WDFY4: variants seen among roughly 807,000 people sequenced by gnomAD.
The protein encoded by WDFY4 is WDFY family member 4.
In WDFY4, 169 loss-of-function variants were observed where a neutral mutation model predicts 351.9. That is an observed-to-expected ratio of 0.48 (90% CI 0.42 to 0.55). The LOEUF is 0.55. Ranked by LOEUF, WDFY4 falls within the 20% of genes least tolerant of loss-of-function variation. WDFY4 has a pLI of 0.00. For missense variants in WDFY4, 3,803 were observed against 3,935.6 expected (o/e 0.97, Z 0.90); for synonymous variants, 1,622 against 1,574.6 (o/e 1.03, Z -0.71).
chr10:48,756,626 T>C (rs1332266008), intron 12 of WDFY4, among the ~76,000 whole-genome samples: 1 of 152,132 alleles, frequency 6.6e-6, no homozygotes, highest in Admixed American at 6.5e-5. Context: ...TGTTAGGTTA[T>C]AAACAATTCC....
chr10:48,764,383 T>C (rs2065604333), intron 13 of WDFY4, among the ~76,000 whole-genome samples: 1 of 152,248 alleles, frequency 6.6e-6, no homozygotes, highest in African/African-American at 2.4e-5. Context: ...TAGTGGGATT[T>C]TTACTATGCA....
At chr10:48,873,061 A>C (rs763925797) in intron 40 of WDFY4, among the ~76,000 whole-genome samples, 6 of 152,054 alleles carry the variant, frequency 3.9e-5, no homozygotes, top group Non-Finnish European at 7.4e-5. Flanking sequence ...AGTACATTCA[A>C]ATTCCCACTC....
intron 43 of WDFY4, chr10:48,877,904 T>G (rs934578485): frequency 6.6e-6 from 1 of 152,294 alleles, no homozygotes; most frequent in Non-Finnish European, 1.5e-5. Context: ...AAGAATGCAA[T>G]GGAAGATGAA....
intron 18 of WDFY4, 108 bp downstream of exon 18, chr10:48,778,940 C>G: frequency 8.1e-7 from 1 of 1,239,566 alleles, no homozygotes; most frequent in South Asian, 1.5e-5. Flanking sequence ...CCTTCTGTTT[C>G]TCCTCATCCT....
Position 48,822,238 on chromosome 10 carries a change from C to A in WDFY4, c.5825-142C>A, listed in dbSNP as rs1005964737. 3 of 833,104 alleles carry A rather than the reference C, an allele frequency of 3.6e-6. No individual in the cohort carries two copies. In the South Asian group the frequency reaches 1.2e-4, roughly 33 times the overall value. The allele number at this position is 833,104 out of a possible 1,614,324, so 51.6% of individuals were successfully genotyped here. Reference sequence around the variant, plus strand: ...TTAAATGTGTGTGTGTTGGGCACCTCGTCAGTACAAGACTCCATCTTTGGA... The same window carrying A: ...TTAAATGTGTGTGTGTTGGGCACCTAGTCAGTACAAGACTCCATCTTTGGA... On this transcript the variant is annotated intron_variant, in intron 34 of 61. Coordinates refer to ENST00000325239, the MANE Select transcript of WDFY4 (RefSeq NM_001394531.1).
intron 43 of WDFY4, among the ~76,000 whole-genome samples, chr10:48,878,818 A>G (rs1175106131): frequency 6.6e-6 from 1 of 152,206 alleles, no homozygotes; most frequent in African/African-American, 2.4e-5. Flanking sequence ...CTCTGTCACT[A>G]TGGATCCTCC....
chr10:48,750,648 T>G (rs1209570517), intron 12 of WDFY4, among the ~76,000 whole-genome samples: 1 of 152,294 alleles, frequency 6.6e-6, no homozygotes, highest in East Asian at 1.9e-4. Flanking sequence ...GTAATCTTCC[T>G]TGGTTTCTTA....
At chr10:48,823,737 TG>T (rs1484742695) in intron 35 of WDFY4, 2 of 992,628 alleles carry the variant, frequency 2.0e-6, no homozygotes, top group Admixed American at 5.6e-5. Context: ...TAGGTGCCAG[TG>T]GGGGCCACCG....
At position 48,833,242 on chromosome 10, in the gene WDFY4, G is replaced by A. The variant is rs565525045; in HGVS notation, c.6663+533G>A. ...GGTATATGGAGTACGGTGGGTGGGG[G>A]GACAGGTTATCTCTGCCCCACAGTG... On this transcript the variant is annotated intron_variant, in intron 39 of 61. Transcript: ENST00000325239. Among the ~76,000 whole-genome samples the A allele has an allele frequency of 1.1e-4, 16 of 151,808 alleles. No homozygotes were observed. In the South Asian group the frequency reaches 2.1e-3, roughly 20 times the overall value.
chr10:48,866,476 T>C (rs2069547239), intron 39 of WDFY4, among the ~76,000 whole-genome samples: 1 of 152,244 alleles, frequency 6.6e-6, no homozygotes, highest in Admixed American at 6.5e-5. Flanking sequence ...TTAAATTTAC[T>C]GAAGTTTGTT....
chr10:48,777,396 C>A, intron 16 of WDFY4, 23 bp from the exon 17 acceptor site: 1 of 1,549,968 alleles, frequency 6.5e-7, no homozygotes, highest in Non-Finnish European at 8.7e-7. Context: ...GTCCAATGAT[C>A]TGAGACAATT....
At chr10:48,776,331 G>A (rs1355110850) in intron 15 of WDFY4, among the ~76,000 whole-genome samples, 3 of 152,196 alleles carry the variant, frequency 2.0e-5, no homozygotes, top group Non-Finnish European at 4.4e-5. Context: ...GCAAGGGTGC[G>A]GGATCAGGCT....
At chr10:48,958,843 G>A (rs1323824619) in intron 52 of WDFY4, among the ~76,000 whole-genome samples, 2 of 152,162 alleles carry the variant, frequency 1.3e-5, no homozygotes, top group Admixed American at 1.3e-4. Flanking sequence ...TGTTGAGGAG[G>A]TGGCAGGTGA....
intron 11 of WDFY4, among the ~76,000 whole-genome samples, chr10:48,740,778 T>A (rs191936738): frequency 7.9e-5 from 12 of 152,330 alleles, no homozygotes; most frequent in Admixed American, 4.6e-4. Flanking sequence ...CCCCCTTTAG[T>A]GGGTGGCCTT....
chr10:48,731,340 G>T lies in WDFY4; in HGVS notation c.1360G>T (p.Ala454Ser). 1.3e-6 allele frequency: 2 copies of T among 1,551,770 alleles called. No individual in the cohort carries two copies. Among genetic ancestry groups the T allele is most frequent in the East Asian group, 2.4e-5 (1 of 40,924 alleles). Residue 454 changes from alanine to serine, a missense_variant, in exon 9 of 62, where the codon GCC (alanine) becomes TCC (serine). By Grantham distance (99) the Ala-to-Ser change is moderately conservative. Around this residue, in one of 3 missense-constraint regions of WDFY4, gnomAD observed 261 missense variants for 330.2 expected, o/e 0.79. Coordinates refer to ENST00000325239, the MANE Select transcript of WDFY4 (RefSeq NM_001394531.1). ...VQEHFFQLLE[A>S]LVFELHYVPH... ...GGAACACTTCTTCCAGCTTCTAGAG[G>T]CCCTGGTGTTCGAGCTGCACTACGT...
intron 47 of WDFY4, among the ~76,000 whole-genome samples, chr10:48,915,996 G>A (rs1010652970): frequency 6.6e-6 from 1 of 152,174 alleles, no homozygotes; most frequent in Non-Finnish European, 1.5e-5. Flanking sequence ...AAACAAAGTG[G>A]AGTCCAAGTC....
rs1256963585 is a variant in WDFY4 at position 48,778,674 on chromosome 10, G to A, written c.3239G>A (p.Arg1080Gln). ...LTFSCWFLISRHGAATEGHPL... is the reference protein window; with the variant it reads ...LTFSCWFLISQHGAATEGHPL... ...TTCTCCTGCTGGTTCCTGATCAGCC[G>A]GCATGGAGCTGCCACTGAGGGCCAC... Residue 1080 changes from arginine to glutamine, a missense_variant, in exon 18 of 62, where the codon CGG becomes CAG. By Grantham distance (43) the Arg-to-Gln change is conservative (BLOSUM62 1). This residue lies in a region of WDFY4 where 3,054 missense variants were observed against 3,148.6 expected (regional missense o/e 0.97). Coordinates refer to ENST00000325239, the MANE Select transcript of WDFY4 (RefSeq NM_001394531.1). 1.0e-5 allele frequency: 16 copies of A among 1,551,472 alleles called. No homozygotes were observed. Among genetic ancestry groups the A allele is most frequent in the South Asian group, 7.1e-5 (6 of 84,062 alleles).
At chr10:48,740,206 T>C (rs2064807923) in intron 11 of WDFY4, among the ~76,000 whole-genome samples, 1 of 152,186 alleles carries the variant, frequency 6.6e-6, no homozygotes, top group South Asian at 2.1e-4. Context: ...GGATTGACTT[T>C]TCATGGCATG....
chr10:48,825,614 T>C (rs2067966386), intron 35 of WDFY4, among the ~76,000 whole-genome samples: 1 of 152,178 alleles, frequency 6.6e-6, no homozygotes, highest in Non-Finnish European at 1.5e-5. Flanking sequence ...CCTCACCCCA[T>C]CTGTTGTTTC....
Sources: gnomAD v4.1 joint callset for allele counts (sites outside exome capture counted in the v4.1 genomes callset) on GRCh38, gnomAD v4.1.1 for gene constraint, gnomAD v4.1.1 regional missense constraint, MANE v1.5 for transcripts, NCBI Gene and HGNC (gene_info 2026-07-23, HGNC 2026-07-21) for gene names.